Variants in TMEM132D observed in about 807,000 individuals in gnomAD.
TMEM132D encodes the protein mature OL transmembrane protein.
A neutral mutation model predicts 62.3 loss-of-function variants in TMEM132D; 21 were observed. That is an observed-to-expected ratio of 0.34 (90% confidence interval 0.24 to 0.49). The LOEUF (loss-of-function observed/expected upper bound fraction) is 0.49, where lower values mean the gene tolerates loss of function less well. TMEM132D is among the 20% of genes least tolerant of loss of function. The pLI is 0.99. For missense variants in TMEM132D, 1,346 were observed against 1,402.8 expected (o/e 0.96, Z 0.65); for synonymous variants, 621 against 575.6 (o/e 1.08, Z -1.13).
At chr12:129,696,216 G>A (rs1002433795) in intron 2 of TMEM132D, among the ~76,000 whole-genome samples, 1 of 152,160 alleles carries the variant, frequency 6.6e-6, no homozygotes, top group Non-Finnish European at 1.5e-5. Context: ...TCAAACACTT[G>A]TATTTTATTC....
intron 1 of TMEM132D, among the ~76,000 whole-genome samples, chr12:129,766,913 G>A (rs977823963): frequency 6.6e-6 from 1 of 152,136 alleles, no homozygotes; most frequent in Non-Finnish European, 1.5e-5. Flanking sequence ...GCAACACCCG[G>A]AAGTTACCAC....
intron 1 of TMEM132D, among the ~76,000 whole-genome samples, chr12:129,891,634 A>T (rs1874928457): frequency 6.6e-6 from 1 of 152,198 alleles, no homozygotes. Flanking sequence ...AGTAACTGTG[A>T]GGCTATCTAA....
chr12:129,725,076 A>G (rs977597490), intron 1 of TMEM132D, among the ~76,000 whole-genome samples: 2 of 152,174 alleles, frequency 1.3e-5, no homozygotes, highest in African/African-American at 4.8e-5. Context: ...CACATTTGAG[A>G]TAAGTGTGCC....
At chr12:129,611,440 C>G (rs548713815) in intron 2 of TMEM132D, among the ~76,000 whole-genome samples, 319 of 152,338 alleles carry the variant, frequency 2.1e-3, no homozygotes, top group Non-Finnish European at 2.4e-3. Flanking sequence ...TCCTCCTTGT[C>G]TACAACTGAA....
intron 3 of TMEM132D, among the ~76,000 whole-genome samples, chr12:129,509,866 A>T (rs1383807544): frequency 6.6e-6 from 1 of 152,116 alleles, no homozygotes; most frequent in African/African-American, 2.4e-5. Flanking sequence ...TTATCCATTC[A>T]TCGCTGATGG....
At chr12:129,098,368 T>C (rs1875181024) in intron 5 of TMEM132D, among the ~76,000 whole-genome samples, 1 of 152,076 alleles carries the variant, frequency 6.6e-6, no homozygotes, top group Non-Finnish European at 1.5e-5. Flanking sequence ...AGAATGATAG[T>C]GATGATGATG....
intron 1 of TMEM132D, among the ~76,000 whole-genome samples, chr12:129,767,814 A>G (rs1326627483): frequency 6.6e-6 from 1 of 152,228 alleles, no homozygotes. Context: ...TGATAAAGAC[A>G]TAAAGATTTA....
At position 129,506,209 on chromosome 12, in the gene TMEM132D, T is replaced by C. The variant is rs569448488; in HGVS notation, c.1115+24850A>G. ...GAGCTCCTTTTAGCAGTTCTTGTAG[T>C]GCTGGTTTGGTCGTAGCAAATTCTC... On this transcript the variant is annotated intron_variant, in intron 3 of 8. Coordinates refer to ENST00000422113, the MANE Select transcript of TMEM132D (RefSeq NM_133448.3). 5.9e-5 allele frequency among the ~76,000 whole-genome samples: 9 copies of C among 152,336 alleles called. No homozygotes were observed. The South Asian group carries it at 1.9e-3, about 32-fold the overall frequency.
chr12:129,716,097 G>A (rs1868562253), intron 1 of TMEM132D, among the ~76,000 whole-genome samples: 1 of 152,212 alleles, frequency 6.6e-6, no homozygotes, highest in South Asian at 2.1e-4. Flanking sequence ...TCGTCCTAAA[G>A]TCTCCTAACT....
At chr12:129,758,059 T>C (rs917214542) in intron 1 of TMEM132D, among the ~76,000 whole-genome samples, 4 of 152,022 alleles carry the variant, frequency 2.6e-5, no homozygotes, top group African/African-American at 9.7e-5. Flanking sequence ...CCTGCCACCA[T>C]GCTTGGCTAA....
At chr12:129,225,658 C>A (rs141925318) in intron 4 of TMEM132D, among the ~76,000 whole-genome samples, 4 of 152,246 alleles carry the variant, frequency 2.6e-5, no homozygotes, top group African/African-American at 9.6e-5. Context: ...CAGTGCTTGG[C>A]ATTATTAATT....
intron 2 of TMEM132D, among the ~76,000 whole-genome samples, chr12:129,634,585 T>C (rs1879432884): frequency 6.6e-6 from 1 of 152,180 alleles, no homozygotes; most frequent in Admixed American, 6.5e-5. Flanking sequence ...GAAATAAACC[T>C]GATGCTTTTT....
chr12:129,722,604 C>T (rs567888896), intron 1 of TMEM132D, among the ~76,000 whole-genome samples: 2 of 152,172 alleles, frequency 1.3e-5, no homozygotes, highest in African/African-American at 4.8e-5. Flanking sequence ...CAGGCTCCGT[C>T]GGCCTTTCTC....
At position 129,280,588 on chromosome 12, in the gene TMEM132D, C is replaced by G. The variant is rs796448703; in HGVS notation, c.1299+57046G>C. ...ACCACAGAAAGTGAGAAGTCAGGAA[C>G]TATATTATTAGCTCTTATGGGTCTC... On this transcript the variant is annotated intron_variant, in intron 4 of 8. Coordinates refer to ENST00000422113, the MANE Select transcript of TMEM132D (RefSeq NM_133448.3). Among the ~76,000 whole-genome samples, 32 of 152,254 alleles carry G rather than the reference C, an allele frequency of 2.1e-4. 1 individual carries two copies. Among genetic ancestry groups the G allele is most frequent in the African/African-American group, 7.7e-4 (32 of 41,552 alleles).
chr12:129,551,536 T>C (rs1222761516), intron 2 of TMEM132D, among the ~76,000 whole-genome samples: 3 of 152,190 alleles, frequency 2.0e-5, no homozygotes, highest in African/African-American at 4.8e-5. Flanking sequence ...TTTAAAAAAA[T>C]CCAGATTTTT....
At chr12:129,717,409 T>G (rs899957968) in intron 1 of TMEM132D, among the ~76,000 whole-genome samples, 16 of 152,210 alleles carry the variant, frequency 1.1e-4, no homozygotes, top group African/African-American at 3.8e-4. Context: ...CTACTTCATT[T>G]GCCTTTTTTT....
At chr12:129,380,276 A>G (rs76842331) in intron 3 of TMEM132D, among the ~76,000 whole-genome samples, 1,691 of 150,914 alleles carry the variant, frequency 0.011, 32 homozygotes, top group African/African-American at 0.038. Flanking sequence ...AAACGTCTAG[A>G]AAAAAAACTT....
At chr12:129,793,512 C>T (rs1161956752) in intron 1 of TMEM132D, among the ~76,000 whole-genome samples, 2 of 152,108 alleles carry the variant, frequency 1.3e-5, no homozygotes, top group Non-Finnish European at 2.9e-5. Context: ...GTAGCTGGGA[C>T]TACAGACATG....
Position 129,085,668 on chromosome 12 carries a change from GA to G in TMEM132D, c.1444-967del, listed in dbSNP as rs1407257653. ...CCACTGCCATTCCCACATTCCAGAT[GA>G]GGAAGCCGGCAGGAGTGGGGGAGCC... On this transcript the variant is annotated intron_variant, in intron 5 of 8. Transcript: ENST00000422113. The G allele has an allele frequency of 2.0e-5, 3 of 152,292 alleles. No individual in the cohort carries two copies. The East Asian group carries it at 5.8e-4, about 29-fold the overall frequency. The allele number at this position is 152,292 out of a possible 1,614,324, so 9.4% of individuals were successfully genotyped here.
Sources: allele counts gnomAD v4.1 joint callset (sites outside exome capture counted in the v4.1 genomes callset), GRCh38; gene constraint gnomAD v4.1.1; transcripts MANE v1.5; gene names NCBI Gene and HGNC (gene_info 2026-07-23, HGNC 2026-07-21).